Variants in LAMB1 observed in about 807,000 individuals in gnomAD.
The protein encoded by LAMB1 is laminin subunit beta 1, also known as laminin subunit beta-1.
A neutral mutation model predicts 222.3 loss-of-function variants in LAMB1; 121 were observed. The observed-to-expected ratio is 0.54, with a 90% CI of 0.47 to 0.63. The LOEUF is 0.63. LAMB1 is among the 30% of genes least tolerant of loss of function. LAMB1 has a pLI of 0.00. For synonymous variants in LAMB1, 794 were observed against 807.2 expected, an observed-to-expected ratio of 0.98 and a Z score of 0.28; for missense variants, 2,172 against 2,240.8, an observed-to-expected ratio of 0.97 and a Z score of 0.62.
At chr7:107,925,275 A>C (rs2032533853) in intron 32 of LAMB1, among the ~76,000 whole-genome samples, 1 of 152,186 alleles carries the variant, frequency 6.6e-6, no homozygotes, top group Admixed American at 6.5e-5. Context: ...CCTACGGACC[A>C]GTTAGGAACT....
intron 28 of LAMB1, 58 bp from the exon 29 acceptor site, chr7:107,931,558 G>C: frequency 4.8e-6 from 7 of 1,469,548 alleles, no homozygotes; most frequent in Non-Finnish European, 6.5e-6. Flanking sequence ...AAGGAGACCA[G>C]AATATTGGAA....
intron 24 of LAMB1, among the ~76,000 whole-genome samples, chr7:107,948,039 G>T (rs1010009780): frequency 6.9e-6 from 1 of 144,314 alleles, no homozygotes; most frequent in Non-Finnish European, 1.5e-5. Flanking sequence ...CTGGAGGGCA[G>T]TGGCACGATC....
In LAMB1 at chr7:107,970,507, G is replaced by GA. The variant is rs1015013303; in HGVS notation, c.1562+2484_1562+2485insT. On this transcript the variant is annotated intron_variant, in intron 13 of 33. Coordinates refer to ENST00000222399, the MANE Select transcript of LAMB1 (RefSeq NM_002291.3). Reference sequence around the variant, plus strand: ...CTGTCTCAAAAAAAAAAAAAAAAAGGGGGGGGTGGGCTTCAAGCCAGATAT... The same window carrying GA: ...CTGTCTCAAAAAAAAAAAAAAAAAGGAGGGGGGTGGGCTTCAAGCCAGATAT... Among the ~76,000 whole-genome samples the GA allele has an allele frequency of 2.9e-4, 43 of 146,858 alleles. 1 individual carries two copies. The highest frequency in any genetic ancestry group is 1.1e-3 in the African/African-American group (42 of 39,174).
At chr7:107,989,102 T>G (rs2034134804) in intron 5 of LAMB1, among the ~76,000 whole-genome samples, 1 of 151,802 alleles carries the variant, frequency 6.6e-6, no homozygotes, top group Admixed American at 6.6e-5. Flanking sequence ...GAAAAATGAG[T>G]GTCAGAGGGA....
intron 4 of LAMB1, among the ~76,000 whole-genome samples, chr7:107,996,231 G>A (rs1019391557): frequency 1.2e-4 from 18 of 152,154 alleles, no homozygotes; most frequent in African/African-American, 4.3e-4. Context: ...AAGAACATAT[G>A]CTGCAATGTG....
At chr7:107,964,526 G>C (rs769020638) in intron 14 of LAMB1, 26 bp downstream of exon 14, 1 of 1,613,462 alleles carries the variant, frequency 6.2e-7, no homozygotes, top group East Asian at 2.2e-5. Flanking sequence ...CTGCTTTACC[G>C]ACCTGCCACA....
chr7:107,963,990 G>A (rs562570073), intron 14 of LAMB1, among the ~76,000 whole-genome samples: 50 of 152,296 alleles, frequency 3.3e-4, no homozygotes, highest in African/African-American at 1.1e-3. Flanking sequence ...CGAGCTACTC[G>A]GGAAGCTGAA....
At position 107,980,675 on chromosome 7, in the gene LAMB1, G is replaced by C; in HGVS notation, c.813C>G (p.Cys271Trp). ...ATTCGCTGGCATGACCATAGCAGAA[G>C]CAATTTCCTCGAACCACCATATCAT... ...AVYDMVVRGN[C>W]FCYGHASECA... Residue 271 changes from cysteine (C) to tryptophan (W), a missense_variant, in exon 8 of 34, where the codon TGC becomes TGG. Physicochemically the swap from Cys to Trp is radical, Grantham distance 215. Coordinates refer to ENST00000222399, the MANE Select transcript of LAMB1 (RefSeq NM_002291.3). 6.2e-7 allele frequency: 1 copy of C among 1,614,066 alleles called. No homozygotes were observed. Among genetic ancestry groups the C allele is most frequent in the Non-Finnish European group, 8.5e-7 (1 of 1,180,004 alleles).
chr7:108,001,006 G>T (rs2034371685), intron 3 of LAMB1, among the ~76,000 whole-genome samples: 2 of 152,148 alleles, frequency 1.3e-5, no homozygotes, highest in South Asian at 4.1e-4. Flanking sequence ...TTTCACTGTG[G>T]TCTTCCTGTA....
Position 107,986,369 on chromosome 7 carries a change from G to A in LAMB1, c.424-6C>T. ...ATAGCAGCTGGACGGAATGTCTAAA[G>A]GCAGGAGCAAAAATCTCATTTGATG... On this transcript the variant is annotated splice_polypyrimidine_tract_variant and splice_region_variant and intron_variant, in intron 5 of 33. Transcript: ENST00000222399. The A allele has an allele frequency of 3.2e-6, 5 of 1,559,126 alleles. No individual in the cohort carries two copies. The highest frequency in any genetic ancestry group is 4.3e-6 in the Non-Finnish European group (5 of 1,151,634).
At chr7:107,927,813 G>C (rs1256358018) in intron 31 of LAMB1, among the ~76,000 whole-genome samples, 1 of 152,154 alleles carries the variant, frequency 6.6e-6, no homozygotes, top group East Asian at 1.9e-4. Context: ...GAGGAAAATG[G>C]ACAGAATTAT....
chr7:107,967,585 C>T (rs2033660732), intron 13 of LAMB1, among the ~76,000 whole-genome samples: 1 of 152,130 alleles, frequency 6.6e-6, no homozygotes, highest in South Asian at 2.1e-4. Context: ...TCCAATGAGC[C>T]ACACTCCTCA....
At chr7:107,999,105 G>A (rs552041090) in intron 3 of LAMB1, among the ~76,000 whole-genome samples, 9 of 152,330 alleles carry the variant, frequency 5.9e-5, no homozygotes, top group South Asian at 4.1e-4. Context: ...GGAGGACCAC[G>A]CCATGTTGGG....
At chr7:107,970,826 G>A (rs1284078442) in intron 13 of LAMB1, among the ~76,000 whole-genome samples, 1 of 151,672 alleles carries the variant, frequency 6.6e-6, no homozygotes, top group Non-Finnish European at 1.5e-5. Flanking sequence ...CTGTTTTCTA[G>A]GTTCAAGCGA....
intron 7 of LAMB1, 78 bp downstream of exon 7, chr7:107,985,943 GC>G: frequency 8.9e-7 from 1 of 1,125,314 alleles, no homozygotes; most frequent in Middle Eastern, 2.8e-4. Flanking sequence ...GGCAACAAGA[GC>G]GGAACTCTGT....
At chr7:108,000,642 C>G (rs1275548962) in intron 3 of LAMB1, among the ~76,000 whole-genome samples, 1 of 152,226 alleles carries the variant, frequency 6.6e-6, no homozygotes. Flanking sequence ...CTACTGGGCT[C>G]AAGTGATCCT....
intron 28 of LAMB1, 68 bp downstream of exon 28, chr7:107,932,106 T>G: frequency 7.3e-7 from 1 of 1,371,594 alleles, no homozygotes; most frequent in Non-Finnish European, 1.0e-6. Context: ...TTTCTCCCTT[T>G]CAGATCCTTT....
chr7:107,941,822 CTTTTTTTTTTTTTTTTTTTT>C (rs774447066), intron 24 of LAMB1, among the ~76,000 whole-genome samples: 6 of 31,844 alleles, frequency 1.9e-4, no homozygotes, highest in Admixed American at 5.0e-4. Flanking sequence ...CCACACCCGG[CTTTTTTTTTTTTTTTTTTTT>C]TTTTTTTTTT....
At chr7:107,951,773 G>A (rs1257179670) in intron 23 of LAMB1, among the ~76,000 whole-genome samples, 1 of 152,200 alleles carries the variant, frequency 6.6e-6, no homozygotes, top group Non-Finnish European at 1.5e-5. Context: ...CTTGTCTATT[G>A]TTAAGTGAGT....
Sources: gnomAD v4.1 joint callset for allele counts (sites outside exome capture counted in the v4.1 genomes callset) on GRCh38, gnomAD v4.1.1 for gene constraint, MANE v1.5 for transcripts, NCBI Gene and HGNC (gene_info 2026-07-23, HGNC 2026-07-21) for gene names.